PARP14: variants seen among roughly 807,000 people sequenced by gnomAD.
The protein encoded by PARP14 is protein mono-ADP-ribosyltransferase PARP14.
In PARP14, 59 loss-of-function variants were observed where a neutral mutation model predicts 154.2. The ratio of observed to expected loss-of-function variants is 0.38; its 90% confidence interval spans 0.31 to 0.48. PARP14 has a LOEUF of 0.48. Among genes scored for constraint, PARP14 ranks in the 20% least tolerant of loss-of-function variants. The probability of loss-of-function intolerance (pLI) is 0.98; values close to 1 mark genes in which losing one functional copy is unlikely to be tolerated. For missense variants in PARP14, 1,734 were observed against 2,131.6 expected (o/e 0.81, Z 3.67); for synonymous variants, 720 against 780.5 (o/e 0.92, Z 1.29).
intron 12 of PARP14, among the ~76,000 whole-genome samples, chr3:122,715,083 G>A (rs10433340): frequency 0.28 from 42,831 of 151,814 alleles, 7,498 homozygotes; most frequent in Non-Finnish European, 0.4. Flanking sequence ...TGGCGCTCTG[G>A]ATTTATCATT....
chr3:122,716,411 A>G (rs893811605), intron 12 of PARP14, among the ~76,000 whole-genome samples: 2 of 152,200 alleles, frequency 1.3e-5, no homozygotes, highest in Admixed American at 6.5e-5. Context: ...GAGTGCCTGC[A>G]TCTGCAAGGC....
chr3:122,728,101 C>A, intron 16 of PARP14, 115 bp downstream of exon 16: 3 of 1,032,836 alleles, frequency 2.9e-6, no homozygotes, highest in Non-Finnish European at 4.2e-6. Context: ...CATGTTGCAG[C>A]CCGAGTTTCA....
In PARP14 at chr3:122,699,971, A is replaced by T. The variant is rs1236000225; in HGVS notation, c.1417A>T (p.Ile473Phe). The T allele has an allele frequency of 3.7e-6, 6 of 1,613,934 alleles. No homozygotes were observed. Among genetic ancestry groups the T allele is most frequent in the Non-Finnish European group, 5.1e-6 (6 of 1,179,818 alleles). The stretch of plus-strand genomic sequence containing the variant: ...GCAAAGTTTGAAGGAAAAAATGATC[A>T]TTTCTCCAGGCAGGTATTTTCTTTT... Reference protein sequence around the residue: ...EEQSLKEKMIISPGRYFLLCH... With the variant: ...EEQSLKEKMIFSPGRYFLLCH... Residue 473 changes from isoleucine to phenylalanine, a missense_variant, in exon 6 of 17, where the codon ATT (isoleucine) becomes TTT (phenylalanine). This residue lies in a region of PARP14 where 1,646 missense variants were observed against 1,976.0 expected (regional missense o/e 0.83). Transcript: ENST00000474629.
Position 122,695,629 on chromosome 3 carries a change from A to G in PARP14, c.802A>G (p.Ser268Gly), listed in dbSNP as rs2107641130. ...CAATGTTGAATATTTTCCTGAAGAG[A>G]GTTCAGCTCTGATTGAATTTTTTGA... ...VANVEYFPEE[S>G]SALIEFFDRK... The change falls in exon 5 of 17, where the codon AGT becomes GGT. Residue 268 changes from serine (S) to glycine (G), a missense_variant. This residue lies in a region of PARP14 where 1,646 missense variants were observed against 1,976.0 expected (regional missense o/e 0.83). Coordinates refer to ENST00000474629, the MANE Select transcript of PARP14 (RefSeq NM_017554.3). The G allele has an allele frequency of 6.3e-7, 1 of 1,598,708 alleles. No homozygotes were observed. Among genetic ancestry groups the G allele is most frequent in the Non-Finnish European group, 8.6e-7 (1 of 1,166,940 alleles).
chr3:122,697,993 T>C (rs1938833819), intron 5 of PARP14, among the ~76,000 whole-genome samples: 1 of 152,192 alleles, frequency 6.6e-6, no homozygotes, highest in African/African-American at 2.4e-5. Flanking sequence ...ATCTGTAAAA[T>C]GGGGTTCACA....
In PARP14 at chr3:122,699,700, C is replaced by G. The variant is rs1278976562; in HGVS notation, c.1146C>G (p.Thr382=). ...LVNEGRPRIK[T]WQADTSTTLS... ...ATGAAGGAAGACCGAGAATCAAGAC[C>G]TGGCAGGCAGATACTTCCACAACAC... The change falls in exon 6 of 17, where the codon ACC becomes ACG. Residue 382 remains threonine (T), a synonymous_variant. Transcript: ENST00000474629. The G allele has an allele frequency of 6.2e-7, 1 of 1,614,006 alleles. No individual in the cohort carries two copies. The highest frequency in any genetic ancestry group is 2.2e-5 in the East Asian group (1 of 44,894).
At chr3:122,720,834 G>A (rs1387025469) in intron 15 of PARP14, 15 of 456,640 alleles carry the variant, frequency 3.3e-5, no homozygotes, top group Non-Finnish European at 5.3e-5. Context: ...GCAGGTGAAT[G>A]TGATGATTCG....
At chr3:122,694,894 G>C (rs1306968771) in intron 4 of PARP14, among the ~76,000 whole-genome samples, 1 of 151,990 alleles carries the variant, frequency 6.6e-6, no homozygotes, top group African/African-American at 2.4e-5. Flanking sequence ...CTAGAGAAGA[G>C]CATTCCAAAT....
In PARP14 at chr3:122,700,079, T is replaced by A. The variant is rs753531662; in HGVS notation, c.1525T>A (p.Cys509Ser). 6.2e-7 allele frequency: 1 copy of A among 1,613,820 alleles called. No homozygotes were observed. The highest frequency in any genetic ancestry group is 2.2e-5 in the East Asian group (1 of 44,880). ...TTACGATAGAGTCACTCAACACTTG[T>A]GCTTGAAAGGACCTAGTGCAGATGT... is the stretch of plus-strand genomic sequence containing the variant. ...ICYDRVTQHL[C>S]LKGPSADVYK... Residue 509 changes from cysteine (C) to serine (S), a missense_variant, in exon 6 of 17, where the codon TGC (cysteine) becomes AGC (serine). Cys to Ser is a moderately radical substitution (Grantham distance 112). Transcript: ENST00000474629.
rs1933373699 is a variant in PARP14 at position 122,729,525 on chromosome 3, C to T, written c.*928C>T. On this transcript the variant is annotated 3_prime_UTR_variant, in exon 17 of 17. Transcript: ENST00000474629. Reference sequence around the variant, plus strand: ...TCTCAGCTCACTGCAGCCACTGCCTCCCAGGTTCAAGTGATTCTCCTGCCT... The same window carrying T: ...TCTCAGCTCACTGCAGCCACTGCCTTCCAGGTTCAAGTGATTCTCCTGCCT... 6.6e-6 allele frequency: 1 copy of T among 152,026 alleles called. No homozygotes were observed. The highest frequency in any genetic ancestry group is 6.6e-5 in the Admixed American group (1 of 15,230). 9.4% of individuals were successfully genotyped at this position (152,026 alleles called of 1,614,324 possible). A position where few individuals can be genotyped will look rare whatever the true frequency, so the allele number is the denominator to read the frequency against.
At position 122,681,950 on chromosome 3, in the gene PARP14, C is replaced by T. The variant is rs984213474; in HGVS notation, c.187+880C>T. ...TCGGGATCTAGTCAACCCCTAATTC[C>T]GCTTTCATGTCGCTAGATTTGGAGA... On this transcript the variant is annotated intron_variant, in intron 1 of 16. Transcript: ENST00000474629. This position sits in a 1 kb window ranked among gnomAD's most constrained non-coding sequence, Gnocchi z 5.5. Among the ~76,000 whole-genome samples the T allele has an allele frequency of 2.0e-5, 3 of 152,138 alleles. No homozygotes were observed.
In PARP14 at chr3:122,701,361, C is replaced by A. The variant is rs1938968286; in HGVS notation, c.2807C>A (p.Thr936Asn). 1 of 1,613,896 alleles carries A rather than the reference C, an allele frequency of 6.2e-7. No individual in the cohort carries two copies. Among genetic ancestry groups the A allele is most frequent in the African/African-American group, 1.3e-5 (1 of 74,926 alleles). ...FGFPLGRCVE[T>N]IVSAIKENFQ... ...TTTCCCTTAGGCCGATGCGTGGAGA[C>A]CATTGTTTCTGCCATCAAGGAAAAC... The change falls in exon 6 of 17, where the codon ACC becomes AAC. Residue 936 changes from threonine to asparagine, a missense_variant. Physicochemically the swap from Thr to Asn is moderately conservative, Grantham distance 65. Around this residue, in one of 2 missense-constraint regions of PARP14, gnomAD observed 1,646 missense variants for 1,976.0 expected, o/e 0.83. Transcript: ENST00000474629. This position sits in a 1 kb window ranked among gnomAD's most constrained non-coding sequence, Gnocchi z 4.0.
Position 122,729,876 on chromosome 3 carries a change from G to A in PARP14, c.*1279G>A, listed in dbSNP as rs115565417. On this transcript the variant is annotated 3_prime_UTR_variant, in exon 17 of 17. Transcript: ENST00000474629. ...AGTATATTTTCCTTGACAGCCTAGC[G>A]TTTGATGATTTTAAAGCCTTATGTA... 144 of 152,274 alleles carry A rather than the reference G, an allele frequency of 9.5e-4. No individual in the cohort carries two copies. Among genetic ancestry groups the A allele is most frequent in the African/African-American group, 3.3e-3 (139 of 41,542 alleles). The allele number at this position is 152,274 out of a possible 1,614,324, so 9.4% of individuals were successfully genotyped here.
intron 1 of PARP14, among the ~76,000 whole-genome samples, chr3:122,684,410 G>A (rs193010607): frequency 7.9e-5 from 12 of 152,208 alleles, no homozygotes; most frequent in Non-Finnish European, 1.2e-4. Context: ...TCACATCTGC[G>A]TAGTTCTTGA....
chr3:122,709,297 A>G (rs1939250190), intron 9 of PARP14, among the ~76,000 whole-genome samples: 1 of 152,108 alleles, frequency 6.6e-6, no homozygotes, highest in Non-Finnish European at 1.5e-5. Context: ...AAGTGAGAAC[A>G]TAGGATGTTT....
chr3:122,696,109 T>C (rs1938764705), intron 5 of PARP14, among the ~76,000 whole-genome samples: 1 of 152,226 alleles, frequency 6.6e-6, no homozygotes, highest in Admixed American at 6.5e-5. Context: ...AGGAGTGGTT[T>C]CACATGACCA....
intron 5 of PARP14, among the ~76,000 whole-genome samples, chr3:122,696,334 C>G (rs970354391): frequency 1.8e-4 from 28 of 152,104 alleles, no homozygotes; most frequent in African/African-American, 6.5e-4. Flanking sequence ...GAAAACTGTG[C>G]CTGGGATTAA....
In PARP14 at chr3:122,700,078, G is replaced by A; in HGVS notation, c.1524G>A (p.Leu508=). ...GTTACGATAGAGTCACTCAACACTT[G>A]TGCTTGAAAGGACCTAGTGCAGATG... ...EICYDRVTQH[L]CLKGPSADVY... The change falls in exon 6 of 17, where the codon TTG becomes TTA. Residue 508 remains leucine (L), a synonymous_variant. Coordinates refer to ENST00000474629, the MANE Select transcript of PARP14 (RefSeq NM_017554.3). 1 of 1,613,820 alleles carries A rather than the reference G, an allele frequency of 6.2e-7. No individual in the cohort carries two copies. Among genetic ancestry groups the A allele is most frequent in the Non-Finnish European group, 8.5e-7 (1 of 1,179,760 alleles).
At chr3:122,692,681 T>G in intron 4 of PARP14, 138 bp downstream of exon 4, 1 of 688,684 alleles carries the variant, frequency 1.5e-6, no homozygotes, top group Non-Finnish European at 2.3e-6. Context: ...TAATATAGTT[T>G]TTTTTATTTT....
Sources: gnomAD v4.1 joint callset for allele counts (sites outside exome capture counted in the v4.1 genomes callset) on GRCh38, gnomAD v4.1.1 for gene constraint, gnomAD v4.1.1 regional missense constraint, Gnocchi (gnomAD v3.1) non-coding constraint, MANE v1.5 for transcripts, NCBI Gene and HGNC (gene_info 2026-07-23, HGNC 2026-07-21) for gene names.